NEGR1: variants seen among roughly 807,000 people sequenced by gnomAD.
The protein encoded by NEGR1 is IgLON family member 4.
Under a neutral mutation model 40.9 loss-of-function variants are expected in NEGR1, and 10 were observed. The ratio of observed to expected loss-of-function variants is 0.24; its 90% CI spans 0.15 to 0.42. NEGR1 has a LOEUF of 0.42. Ranked by LOEUF, NEGR1 falls within the 10% of genes least tolerant of loss-of-function variation. The probability of loss-of-function intolerance (pLI) is 1.00; values close to 1 mark genes in which losing one functional copy is unlikely to be tolerated. For missense variants in NEGR1, 352 were observed against 438.9 expected (o/e 0.80, Z 1.77); for synonymous variants, 185 against 166.8 (o/e 1.11, Z -0.84).
chr1:72,153,851 A>T (rs1467280747), intron 1 of NEGR1, among the ~76,000 whole-genome samples: 1 of 151,990 alleles, frequency 6.6e-6, no homozygotes, highest in Non-Finnish European at 1.5e-5. Flanking sequence ...ACAAGAATAA[A>T]GGAATTCCAA....
chr1:71,935,110 G>A lies in NEGR1; in HGVS notation c.378C>T (p.Pro126=), dbSNP rs1344780799. 1 of 1,611,168 alleles carries A rather than the reference G, an allele frequency of 6.2e-7. No homozygotes were observed. The highest frequency in any genetic ancestry group is 2.2e-5 in the East Asian group (1 of 44,870). ...YTCSVQTQHT[P]RTMQVHLTVQ... Reference sequence around the variant, plus strand: ...CAGTTAGATGCACCTGCATTGTTCTGGGTGTATGTTGAGTCTGAACAGAAC... The same window carrying A: ...CAGTTAGATGCACCTGCATTGTTCTAGGTGTATGTTGAGTCTGAACAGAAC... Residue 126 remains proline (P), a synonymous_variant, in exon 2 of 7, where the codon CCC becomes CCT. Coordinates refer to ENST00000357731, the MANE Select transcript of NEGR1 (RefSeq NM_173808.3).
At chr1:72,134,213 CTTT>C (rs538728682) in intron 1 of NEGR1, among the ~76,000 whole-genome samples, 1 of 136,096 alleles carries the variant, frequency 7.3e-6, no homozygotes. Flanking sequence ...TTTTTTTTTT[CTTT>C]TTTTTTTTTT....
intron 2 of NEGR1, among the ~76,000 whole-genome samples, chr1:71,780,564 T>C (rs978916492): frequency 3.3e-5 from 5 of 152,212 alleles, no homozygotes; most frequent in Admixed American, 1.3e-4. Flanking sequence ...GCAACAGAGG[T>C]TGAAAGTAGA....
chr1:72,180,510 T>C (rs903790748), intron 1 of NEGR1, among the ~76,000 whole-genome samples: 3 of 151,214 alleles, frequency 2.0e-5, no homozygotes, highest in African/African-American at 7.3e-5. Context: ...AAGGAAACAA[T>C]CAACAAAATG....
At chr1:71,758,888 G>C (rs1381258103) in intron 3 of NEGR1, among the ~76,000 whole-genome samples, 2 of 152,152 alleles carry the variant, frequency 1.3e-5, no homozygotes, top group African/African-American at 4.8e-5. Flanking sequence ...AATTAGCCTT[G>C]ATGAATACAA....
At chr1:72,068,983 A>C (rs1264978635) in intron 1 of NEGR1, among the ~76,000 whole-genome samples, 2 of 152,280 alleles carry the variant, frequency 1.3e-5, no homozygotes, top group African/African-American at 4.8e-5. Flanking sequence ...CGGAAAAATA[A>C]TTATTTTCCT....
intron 4 of NEGR1, among the ~76,000 whole-genome samples, chr1:71,653,926 T>C (rs1324302846): frequency 6.6e-6 from 1 of 152,168 alleles, no homozygotes; most frequent in Non-Finnish European, 1.5e-5. Flanking sequence ...AAAGTCCTAT[T>C]CTTTCCACTT....
intron 1 of NEGR1, among the ~76,000 whole-genome samples, chr1:72,272,549 C>T (rs1485849383): frequency 6.6e-6 from 1 of 151,862 alleles, no homozygotes; most frequent in Non-Finnish European, 1.5e-5. Flanking sequence ...CTGATTATAG[C>T]TCTTATATTC....
chr1:71,777,816 T>C (rs1656564530), intron 2 of NEGR1, among the ~76,000 whole-genome samples: 1 of 152,010 alleles, frequency 6.6e-6, no homozygotes. Flanking sequence ...GTTGATATGA[T>C]TGAGGAGAAG....
intron 6 of NEGR1, among the ~76,000 whole-genome samples, chr1:71,449,387 C>G (rs1008749343): frequency 6.6e-6 from 1 of 152,130 alleles, no homozygotes; most frequent in Non-Finnish European, 1.5e-5. Flanking sequence ...TAAAACAAAA[C>G]TGCATTTAGA....
chr1:71,451,582 C>T (rs1262647358), intron 6 of NEGR1, among the ~76,000 whole-genome samples: 1 of 152,044 alleles, frequency 6.6e-6, no homozygotes, highest in African/African-American at 2.4e-5. Context: ...GTGATCCCCC[C>T]ACCTCAGCCT....
chr1:71,952,754 T>G (rs1164002686), intron 1 of NEGR1, among the ~76,000 whole-genome samples: 1 of 151,904 alleles, frequency 6.6e-6, no homozygotes, highest in Non-Finnish European at 1.5e-5. Context: ...GCTGACTCTC[T>G]TGTTGGGGAC....
chr1:72,175,560 C>T (rs974489857), intron 1 of NEGR1, among the ~76,000 whole-genome samples: 2 of 151,844 alleles, frequency 1.3e-5, no homozygotes, highest in Admixed American at 6.6e-5. Context: ...AATGGCATCA[C>T]GATTGCATTG....
intron 1 of NEGR1, among the ~76,000 whole-genome samples, chr1:72,060,912 A>T (rs533235490): frequency 3.3e-5 from 5 of 151,552 alleles, no homozygotes; most frequent in Non-Finnish European, 7.4e-5. Flanking sequence ...TCAGCAACAG[A>T]GCAGGTGCAA....
intron 2 of NEGR1, among the ~76,000 whole-genome samples, chr1:71,832,890 T>G (rs1374302334): frequency 1.3e-5 from 2 of 152,048 alleles, no homozygotes; most frequent in South Asian, 2.1e-4. Flanking sequence ...GACTGTGTAG[T>G]GTTGACTACA....
intron 2 of NEGR1, among the ~76,000 whole-genome samples, chr1:71,830,860 G>A (rs976869033): frequency 6.6e-5 from 10 of 151,512 alleles, no homozygotes; most frequent in African/African-American, 1.5e-4. Context: ...TTTATCACAC[G>A]CAATACATAA....
chr1:71,785,247 A>T (rs968076426), intron 2 of NEGR1, among the ~76,000 whole-genome samples: 3 of 152,168 alleles, frequency 2.0e-5, no homozygotes, highest in African/African-American at 4.8e-5. Context: ...ATCACAGGGA[A>T]TCTACAATGC....
At chr1:71,857,419 C>A (rs1659808058) in intron 2 of NEGR1, among the ~76,000 whole-genome samples, 1 of 141,494 alleles carries the variant, frequency 7.1e-6, no homozygotes, top group Admixed American at 7.4e-5. Context: ...TGAGACCAAC[C>A]TGAGCAATAT....
At chr1:71,433,856 G>A (rs1424093347) in intron 6 of NEGR1, among the ~76,000 whole-genome samples, 1 of 152,138 alleles carries the variant, frequency 6.6e-6, no homozygotes, top group East Asian at 1.9e-4. Flanking sequence ...GTAGTAAACT[G>A]GTATTTCTCT....
Sources: allele counts gnomAD v4.1 joint callset (sites outside exome capture counted in the v4.1 genomes callset), GRCh38; gene constraint gnomAD v4.1.1; transcripts MANE v1.5; gene names NCBI Gene and HGNC (gene_info 2026-07-23, HGNC 2026-07-21).